Variants in IRAK1BP1 observed in about 807,000 individuals in gnomAD.
IRAK1BP1 encodes the protein interleukin-1 receptor-associated kinase 1-binding protein 1.
Under a neutral mutation model 28.0 loss-of-function variants are expected in IRAK1BP1, and 24 were observed. The ratio of observed to expected loss-of-function variants is 0.86; its 90% confidence interval spans 0.62 to 1.20. The LOEUF (loss-of-function observed/expected upper bound fraction) is 1.20, where lower values mean the gene tolerates loss of function less well. IRAK1BP1 is among the 50% of genes most tolerant of loss of function. The pLI is 0.00. For synonymous variants in IRAK1BP1, 131 were observed against 116.3 expected, an observed-to-expected ratio of 1.13 and a Z score of -0.81; for missense variants, 336 against 316.7, an observed-to-expected ratio of 1.06 and a Z score of -0.46.
Position 78,867,612 on chromosome 6 carries a change from CGTGGAACT to C in IRAK1BP1, c.38_45del (p.Val13GlyfsTer5). On this transcript the variant is annotated frameshift_variant, in exon 1 of 4. Coordinates refer to ENST00000369940, the MANE Select transcript of IRAK1BP1 (RefSeq NM_001010844.4). LOFTEE classifies it high-confidence loss of function. ...AAAAGACCCCTCCGACCCGAGTGTT[CGTGGAACT>C]GGTTCCCTGGGCTGACCGGAGCCGG... 6.2e-7 allele frequency: 1 copy of C among 1,614,208 alleles called. No homozygotes were observed. The highest frequency in any genetic ancestry group is 1.1e-5 in the South Asian group (1 of 91,080).
chr6:78,978,908 A>G, the IRAK1BP1 span, among the ~76,000 whole-genome samples: 1 of 152,056 alleles, frequency 6.6e-6, no homozygotes, highest in Non-Finnish European at 1.5e-5. Context: ...AAATATTTGG[A>G]AAAAAAATTC....
intron 4 of IRAK1BP1, among the ~76,000 whole-genome samples, chr6:78,933,066 A>G (rs919256904): frequency 1.3e-4 from 20 of 152,160 alleles, no homozygotes; most frequent in African/African-American, 4.3e-4. Flanking sequence ...GAATTTTTGG[A>G]ATGGTAAAGA....
the IRAK1BP1 span, among the ~76,000 whole-genome samples, chr6:78,969,278 A>G: frequency 6.6e-6 from 1 of 152,170 alleles, no homozygotes; most frequent in Admixed American, 6.5e-5. Flanking sequence ...CAAACCATAC[A>G]TACCGTGTAC....
chr6:78,867,792 G>T lies in IRAK1BP1; in HGVS notation c.216G>T (p.Val72=). 1.9e-6 allele frequency: 3 copies of T among 1,613,762 alleles called. No individual in the cohort carries two copies. Among genetic ancestry groups the T allele is most frequent in the Non-Finnish European group, 2.5e-6 (3 of 1,179,854 alleles). ...SAGPDRAQVV[V]RVSSTKEAAA... is the part of the protein sequence containing the mutation. ...GCCCTGACCGGGCGCAGGTGGTGGT[G>T]CGAGTGAGCAGCACCAAGGAGGCGG... is the stretch of plus-strand genomic sequence containing the variant. The change falls in exon 1 of 4, where the codon GTG becomes GTT. Residue 72 remains valine (V), a synonymous_variant. Transcript: ENST00000369940.
At chr6:78,870,942 T>C (rs1770773681) in intron 1 of IRAK1BP1, among the ~76,000 whole-genome samples, 2 of 151,882 alleles carry the variant, frequency 1.3e-5, no homozygotes, top group African/African-American at 4.8e-5. Context: ...AACTCCTGAC[T>C]GATCCCCCAC....
chr6:78,969,968 A>G, the IRAK1BP1 span: 2 of 1,578,820 alleles, frequency 1.3e-6, no homozygotes, highest in Admixed American at 3.4e-5. Context: ...AAAAATACCT[A>G]AAAGATGTTC....
At chr6:78,964,394 C>T in the IRAK1BP1 span, among the ~76,000 whole-genome samples, 3 of 152,100 alleles carry the variant, frequency 2.0e-5, no homozygotes, top group African/African-American at 7.2e-5. Flanking sequence ...TACTGAGCAA[C>T]TCAATTAATA....
chr6:78,969,693 A>T, the IRAK1BP1 span: 30 of 480,912 alleles, frequency 6.2e-5, no homozygotes, highest in Non-Finnish European at 1.0e-4. Context: ...CTGACATAGT[A>T]TCTTACTTTG....
chr6:78,945,273 T>A (rs1773739514), intron 4 of IRAK1BP1: 1 of 1,470,126 alleles, frequency 6.8e-7, no homozygotes, highest in Non-Finnish European at 9.5e-7. Flanking sequence ...ATCTACTGTA[T>A]CTTGAAAGAT....
At chr6:78,895,843 C>T (rs1306933929) in intron 2 of IRAK1BP1, among the ~76,000 whole-genome samples, 2 of 152,128 alleles carry the variant, frequency 1.3e-5, no homozygotes, top group East Asian at 1.9e-4. Flanking sequence ...AAGATGTCTT[C>T]ATTCATGTCT....
downstream of IRAK1BP1, among the ~76,000 whole-genome samples, chr6:78,950,348 G>T (rs1405984294): frequency 3.3e-5 from 5 of 152,120 alleles, no homozygotes; most frequent in Admixed American, 3.3e-4. Context: ...GAGATCAGGG[G>T]AACACTGGTC....
intron 2 of IRAK1BP1, among the ~76,000 whole-genome samples, chr6:78,894,643 G>A (rs1272222674): frequency 6.6e-6 from 1 of 152,108 alleles, no homozygotes; most frequent in African/African-American, 2.4e-5. Flanking sequence ...CCCCTTTTCA[G>A]TAGTTGATAA....
chr6:78,968,570 T>G, the IRAK1BP1 span, among the ~76,000 whole-genome samples: 1 of 152,242 alleles, frequency 6.6e-6, no homozygotes, highest in African/African-American at 2.4e-5. Flanking sequence ...TAATTCCCTG[T>G]GGATACTAAG....
At position 78,899,762 on chromosome 6, in the gene IRAK1BP1, A is replaced by G. The variant is rs1772030900; in HGVS notation, c.*1428A>G. The G allele has an allele frequency of 6.6e-6, 1 of 152,184 alleles. No individual in the cohort carries two copies. Among genetic ancestry groups the G allele is most frequent in the Non-Finnish European group, 1.5e-5 (1 of 68,028 alleles). 9.4% of individuals were successfully genotyped at this position (152,184 alleles called of 1,614,324 possible). ...CTGGCCCTGTACGCACATTTTTAAA[A>G]ATAAAACTTTAAAAAAGAAACAGTT... On this transcript the variant is annotated 3_prime_UTR_variant, in exon 4 of 4. Coordinates refer to ENST00000369940, the MANE Select transcript of IRAK1BP1 (RefSeq NM_001010844.4).
At chr6:78,926,044 G>C (rs1264860095) in intron 4 of IRAK1BP1, among the ~76,000 whole-genome samples, 1 of 151,954 alleles carries the variant, frequency 6.6e-6, no homozygotes, top group East Asian at 1.9e-4. Flanking sequence ...AAGGATGGAG[G>C]GTGGGAGGAG....
intron 1 of IRAK1BP1, among the ~76,000 whole-genome samples, chr6:78,877,217 G>T (rs1016863142): frequency 4.6e-5 from 7 of 152,108 alleles, no homozygotes; most frequent in African/African-American, 1.7e-4. Flanking sequence ...AGCAGAAAAA[G>T]AATGTTAATT....
the IRAK1BP1 span, chr6:78,958,368 C>T: frequency 1.4e-6 from 1 of 735,014 alleles, no homozygotes; most frequent in Non-Finnish European, 2.2e-6. Context: ...ATTTTGGCTA[C>T]TCTTAAATGT....
chr6:78,961,668 A>G, the IRAK1BP1 span: 2 of 1,607,720 alleles, frequency 1.2e-6, no homozygotes, highest in East Asian at 4.5e-5. Flanking sequence ...CTTTGATAGT[A>G]GCTACATCAA....
In IRAK1BP1 at chr6:78,898,688, TTC is replaced by T. The variant is rs916895307; in HGVS notation, c.*357_*358del. On this transcript the variant is annotated 3_prime_UTR_variant, in exon 4 of 4. Coordinates refer to ENST00000369940, the MANE Select transcript of IRAK1BP1 (RefSeq NM_001010844.4). ...TTTTAAAGATATTTAAGCTAAAATT[TTC>T]TCAGCCACATTTTTATATAAAACCA... 4 of 151,794 alleles carry T rather than the reference TTC, an allele frequency of 2.6e-5. No individual in the cohort carries two copies. Among genetic ancestry groups the T allele is most frequent in the African/African-American group, 9.7e-5 (4 of 41,362 alleles). 9.4% of individuals were successfully genotyped at this position (151,794 alleles called of 1,614,324 possible). A position where few individuals can be genotyped will look rare whatever the true frequency, so the allele number is the denominator to read the frequency against.
Sources: gnomAD v4.1 joint callset for allele counts (sites outside exome capture counted in the v4.1 genomes callset) on GRCh38, gnomAD v4.1.1 for gene constraint, MANE v1.5 for transcripts, NCBI Gene and HGNC (gene_info 2026-07-23, HGNC 2026-07-21) for gene names.